Variants in KSR1 observed in about 807,000 individuals in gnomAD.
The protein encoded by KSR1 is kinase suppressor of ras.
Under a neutral mutation model 92.9 loss-of-function variants are expected in KSR1, and 35 were observed. The ratio of observed to expected loss-of-function variants is 0.38; its 90% CI spans 0.29 to 0.50. KSR1 has a LOEUF of 0.50. Ranked by LOEUF, KSR1 falls within the 20% of genes least tolerant of loss-of-function variation. The probability of loss-of-function intolerance (pLI) is 0.94; values close to 1 mark genes in which losing one functional copy is unlikely to be tolerated. For missense variants in KSR1, 972 were observed against 1,158.5 expected, an observed-to-expected ratio of 0.84 and a Z score of 2.34; for synonymous variants, 467 against 472.6, an observed-to-expected ratio of 0.99 and a Z score of 0.15.
chr17:27,582,650 G>A lies in KSR1; in HGVS notation c.525G>A (p.Gly175=). 1 of 1,606,040 alleles carries A rather than the reference G, an allele frequency of 6.2e-7. No individual in the cohort carries two copies. The highest frequency in any genetic ancestry group is 8.5e-7 in the Non-Finnish European group (1 of 1,174,542). The change falls in exon 4 of 21, where the codon GGG becomes GGA. Residue 175 remains glycine (G), a synonymous_variant. Coordinates refer to ENST00000644974, the MANE Select transcript of KSR1 (RefSeq NM_001394583.1). ...ACTCCACGTCTTGGTCCACAGGAGG[G>A]GAGCACAAGGAGGACTCCAGTTGGA... ...TCLRKVTGLG[G]EHKEDSSWSS...
chr17:27,524,951 A>T (rs899110845), intron 1 of KSR1, among the ~76,000 whole-genome samples: 17 of 152,192 alleles, frequency 1.1e-4, no homozygotes, highest in African/African-American at 3.6e-4. Context: ...TCCCATTAGA[A>T]ATGGTAAGAA....
At chr17:27,467,991 G>C (rs777905998) in intron 1 of KSR1, among the ~76,000 whole-genome samples, 1 of 151,686 alleles carries the variant, frequency 6.6e-6, no homozygotes, top group Non-Finnish European at 1.5e-5. Flanking sequence ...TTTCGTTTTC[G>C]TATTTTTAGT....
chr17:27,581,569 A>G (rs1465526463), intron 3 of KSR1, among the ~76,000 whole-genome samples: 1 of 151,964 alleles, frequency 6.6e-6, no homozygotes, highest in African/African-American at 2.4e-5. Context: ...ATGTGGAGCT[A>G]GCTTCATAGG....
intron 1 of KSR1, among the ~76,000 whole-genome samples, chr17:27,491,567 G>C (rs922907453): frequency 1.3e-5 from 2 of 152,094 alleles, no homozygotes; most frequent in African/African-American, 2.4e-5. Context: ...TACTTACTTG[G>C]GGGGATAGAG....
chr17:27,482,752 C>T (rs2068546555), intron 1 of KSR1, among the ~76,000 whole-genome samples: 1 of 152,132 alleles, frequency 6.6e-6, no homozygotes, highest in Non-Finnish European at 1.5e-5. Flanking sequence ...GGTTACCAAA[C>T]AGTATGACCC....
At position 27,526,498 on chromosome 17, in the gene KSR1, T is replaced by C. The variant is rs2070304370; in HGVS notation, c.232-24070T>C. ...CTCTTTATTGAGAACTTCATTTTTA[T>C]CCTGTGTTCCTCCTCTGCCATCTCA... On this transcript the variant is annotated intron_variant, in intron 1 of 20. Coordinates refer to ENST00000644974, the MANE Select transcript of KSR1 (RefSeq NM_001394583.1). The C allele has an allele frequency of 7.5e-6, 12 of 1,603,026 alleles. 1 individual carries two copies. Among genetic ancestry groups the C allele is most frequent in the Middle Eastern group, 1.7e-4 (1 of 6,050 alleles).
At chr17:27,524,347 T>C (rs2070161730) in intron 1 of KSR1, among the ~76,000 whole-genome samples, 1 of 152,004 alleles carries the variant, frequency 6.6e-6, no homozygotes, top group South Asian at 2.1e-4. Flanking sequence ...CTAAGATCAA[T>C]GGAGGAGTAA....
At chr17:27,558,848 T>TG (rs370630134) in intron 2 of KSR1, among the ~76,000 whole-genome samples, 118 of 152,254 alleles carry the variant, frequency 7.8e-4, no homozygotes, top group African/African-American at 2.8e-3. Context: ...TGAGGCTTCC[T>TG]GGGGGAACTT....
intron 2 of KSR1, among the ~76,000 whole-genome samples, chr17:27,552,170 C>T (rs1050576272): frequency 2.6e-5 from 4 of 152,126 alleles, no homozygotes; most frequent in Admixed American, 6.5e-5. Flanking sequence ...TTCTCGCCTG[C>T]GCACCTGAGT....
chr17:27,488,355 A>T (rs1422133044), intron 1 of KSR1, among the ~76,000 whole-genome samples: 2 of 150,244 alleles, frequency 1.3e-5, no homozygotes, highest in African/African-American at 4.9e-5. Flanking sequence ...TCTGGCTCAC[A>T]TGTCTTGTTT....
chr17:27,576,160 A>G (rs2072497888), intron 2 of KSR1, among the ~76,000 whole-genome samples: 1 of 152,150 alleles, frequency 6.6e-6, no homozygotes, highest in South Asian at 2.1e-4. Context: ...TTACCAGCTC[A>G]AGAGAACCCT....
At chr17:27,473,021 A>G (rs1301749201) in intron 1 of KSR1, among the ~76,000 whole-genome samples, 2 of 152,154 alleles carry the variant, frequency 1.3e-5, no homozygotes, top group African/African-American at 2.4e-5. Flanking sequence ...GCTCACCTTC[A>G]GCCTCCCAGA....
chr17:27,515,920 A>G (rs909782443), intron 1 of KSR1, among the ~76,000 whole-genome samples: 1 of 151,896 alleles, frequency 6.6e-6, no homozygotes, highest in African/African-American at 2.4e-5. Context: ...TTGTTAAGGG[A>G]AGGAGTTTGA....
chr17:27,498,611 T>G (rs2069075499), intron 1 of KSR1, among the ~76,000 whole-genome samples: 2 of 152,196 alleles, frequency 1.3e-5, no homozygotes, highest in Non-Finnish European at 1.5e-5. Flanking sequence ...TGTGCGCTGT[T>G]TCTCCCAGGG....
chr17:27,588,247 T>C, intron 5 of KSR1: 1 of 348,358 alleles, frequency 2.9e-6, no homozygotes, highest in Non-Finnish European at 5.3e-6. Flanking sequence ...TGAGCCATCC[T>C]CAGAGGCCAG....
chr17:27,544,464 A>G (rs1296511111), intron 1 of KSR1, among the ~76,000 whole-genome samples: 2 of 152,254 alleles, frequency 1.3e-5, no homozygotes, highest in Non-Finnish European at 2.9e-5. Flanking sequence ...CTTCGGCCCC[A>G]GATACTTAGT....
At chr17:27,511,556 T>A (rs1369496018) in intron 1 of KSR1, among the ~76,000 whole-genome samples, 4 of 152,158 alleles carry the variant, frequency 2.6e-5, no homozygotes, top group Admixed American at 1.3e-4. Flanking sequence ...CTGTGGAGCG[T>A]TGGGCCAAGT....
intron 1 of KSR1, among the ~76,000 whole-genome samples, chr17:27,494,297 C>G (rs1013159394): frequency 6.6e-6 from 1 of 151,916 alleles, no homozygotes; most frequent in African/African-American, 2.4e-5. Context: ...CCTGGAGAGG[C>G]GGGCAAGCAC....
At chr17:27,518,464 T>C (rs759428511) in intron 1 of KSR1, among the ~76,000 whole-genome samples, 1 of 152,216 alleles carries the variant, frequency 6.6e-6, no homozygotes, top group Non-Finnish European at 1.5e-5. Flanking sequence ...GCTCACCCCC[T>C]GAAAAGCATA....
Sources: allele counts gnomAD v4.1 joint callset (sites outside exome capture counted in the v4.1 genomes callset), GRCh38; gene constraint gnomAD v4.1.1; transcripts MANE v1.5; gene names NCBI Gene and HGNC (gene_info 2026-07-23, HGNC 2026-07-21).